Variants in GRK3 observed in about 807,000 individuals in gnomAD.
GRK3 encodes adrenergic, beta, receptor kinase 2.
GRK3 carries 54 observed loss-of-function variants against 95.7 expected under a neutral mutation model. The ratio of observed to expected loss-of-function variants is 0.56; its 90% confidence interval spans 0.45 to 0.71. GRK3 has a LOEUF of 0.71. GRK3 is among the 30% of genes least tolerant of loss of function. The pLI, the probability that GRK3 is intolerant of heterozygous loss-of-function variation, is 0.00. For synonymous variants in GRK3, 281 were observed against 290.8 expected, an observed-to-expected ratio of 0.97 and a Z score of 0.34; for missense variants, 649 against 851.2, an observed-to-expected ratio of 0.76 and a Z score of 2.96.
chr22:25,722,690 C>T lies in GRK3; in HGVS notation c.*240C>T. Reference sequence around the variant, plus strand: ...GCTACACACTTTGGTACCTATGAACCTAGAACTTGAAGTGACTCCTACTTA... The same window carrying T: ...GCTACACACTTTGGTACCTATGAACTTAGAACTTGAAGTGACTCCTACTTA... On this transcript the variant is annotated 3_prime_UTR_variant, in exon 21 of 21. Coordinates refer to ENST00000324198, the MANE Select transcript of GRK3 (RefSeq NM_005160.4). 1 of 413,810 alleles carries T rather than the reference C, an allele frequency of 2.4e-6. No homozygotes were observed. The allele number at this position is 413,810 out of a possible 1,614,324, so 25.6% of individuals were successfully genotyped here. A position where few individuals can be genotyped will look rare whatever the true frequency, so the allele number is the denominator to read the frequency against.
intron 3 of GRK3, among the ~76,000 whole-genome samples, chr22:25,660,766 T>C (rs2084904455): frequency 6.6e-6 from 1 of 152,236 alleles, no homozygotes; most frequent in Non-Finnish European, 1.5e-5. Context: ...TCATATTTCA[T>C]GTATGTTTTC....
At chr22:25,567,234 G>T (rs1020698307) in intron 1 of GRK3, among the ~76,000 whole-genome samples, 2 of 152,006 alleles carry the variant, frequency 1.3e-5, no homozygotes, top group African/African-American at 4.8e-5. Flanking sequence ...ATAGACTCTC[G>T]AATTGGGCCA....
rs775008461 is a variant in GRK3, at chr22:25,630,390, ATC to A, written c.191-14196_191-14195del. Among the ~76,000 whole-genome samples, 138 of 152,188 alleles carry A rather than the reference ATC, an allele frequency of 9.1e-4. 1 individual carries two copies. Among genetic ancestry groups the A allele is most frequent in the Non-Finnish European group, 3.5e-4 (24 of 68,032 alleles). The stretch of plus-strand genomic sequence containing the variant: ...TCTATTTTATCTTAAATTATTTTAA[ATC>A]TCTCTTATTTTAACTGTCAGTTTGT... On this transcript the variant is annotated intron_variant, in intron 2 of 20. Coordinates refer to ENST00000324198, the MANE Select transcript of GRK3 (RefSeq NM_005160.4).
intron 2 of GRK3, among the ~76,000 whole-genome samples, chr22:25,627,286 G>A (rs2084634747): frequency 6.6e-6 from 1 of 152,168 alleles, no homozygotes; most frequent in Non-Finnish European, 1.5e-5. Context: ...AGCAAGCAGA[G>A]GATTATATAA....
At chr22:25,710,984 C>CTG (rs1287513952) in intron 16 of GRK3, 84 bp from the exon 17 acceptor site, 14 of 701,426 alleles carry the variant, frequency 2.0e-5, no homozygotes, top group Non-Finnish European at 3.1e-5. Flanking sequence ...ATATCTCGCA[C>CTG]TGTGCTGTCT....
rs529938897 is a variant in GRK3, at chr22:25,586,941, A to G, written c.114-17436A>G. ...TGGAGTCTCATTCAGGCTGGAGTGC[A>G]TGGCACGATCTCAGCTCACCACATC... On this transcript the variant is annotated intron_variant, in intron 1 of 20. Transcript: ENST00000324198. Among the ~76,000 whole-genome samples the G allele has an allele frequency of 2.0e-3, 289 of 148,054 alleles. 3 individuals are homozygous for G. The highest frequency in any genetic ancestry group is 5.7e-3 in the African/African-American group (231 of 40,180).
At chr22:25,594,147 T>G (rs1333806276) in intron 1 of GRK3, among the ~76,000 whole-genome samples, 2 of 152,212 alleles carry the variant, frequency 1.3e-5, no homozygotes, top group African/African-American at 4.8e-5. Context: ...AAAATGACAT[T>G]GGTAGTTTGA....
At chr22:25,688,235 C>CAAAA (rs35383882) in intron 11 of GRK3, among the ~76,000 whole-genome samples, 2 of 63,458 alleles carry the variant, frequency 3.2e-5, no homozygotes, top group Non-Finnish European at 6.4e-5. Flanking sequence ...GACTCTGTCT[C>CAAAA]AAAAAAAAAA....
Position 25,704,132 on chromosome 22 carries a change from C to T in GRK3, c.1251C>T (p.Phe417=), listed in dbSNP as rs768882010. The T allele has an allele frequency of 1.2e-6, 2 of 1,613,132 alleles. No homozygotes were observed. The highest frequency in any genetic ancestry group is 1.3e-5 in the African/African-American group (1 of 74,898). ...LTVNVELPDT[F]SPELKSLLEG... ...AGAATGTGGAACTTCCAGACACCTT[C>T]TCTCCTGAACTGAAGTCCCTTTTGG... The change falls in exon 15 of 21, where the codon TTC becomes TTT. Residue 417 remains phenylalanine, a synonymous_variant. Coordinates refer to ENST00000324198, the MANE Select transcript of GRK3 (RefSeq NM_005160.4).
chr22:25,661,677 TGTAA>T lies in GRK3; in HGVS notation c.366+4_366+7del, dbSNP rs1381223590. The T allele has an allele frequency of 1.3e-6, 2 of 1,586,920 alleles. No homozygotes were observed. The highest frequency in any genetic ancestry group is 1.7e-6 in the Non-Finnish European group (2 of 1,157,242). On this transcript the variant is annotated splice_donor_variant and splice_donor_region_variant and intron_variant, in intron 4 of 20. Coordinates refer to ENST00000324198, the MANE Select transcript of GRK3 (RefSeq NM_005160.4). LOFTEE classifies it high-confidence loss of function. ...TGAAGGAACTTCTTTCCTGTTCACA[TGTAA>T]GTATTTCTTCTTACTCTGTTACTTT...
intron 1 of GRK3, among the ~76,000 whole-genome samples, chr22:25,596,144 A>G (rs77540982): frequency 0.014 from 2,172 of 152,330 alleles, 50 homozygotes; most frequent in African/African-American, 0.048. Context: ...AATAGGTAGT[A>G]CATTGCTAAA....
chr22:25,688,051 A>T (rs965145451), intron 11 of GRK3, among the ~76,000 whole-genome samples: 1 of 152,104 alleles, frequency 6.6e-6, no homozygotes, highest in Non-Finnish European at 1.5e-5. Flanking sequence ...CCTGGCTAAC[A>T]CAGTGAAACC....
intron 5 of GRK3, among the ~76,000 whole-genome samples, chr22:25,666,020 C>T (rs570734773): frequency 4.7e-4 from 71 of 152,222 alleles, no homozygotes; most frequent in African/African-American, 1.5e-3. Flanking sequence ...AATTTAGATA[C>T]GACTGTTCTC....
intron 11 of GRK3, among the ~76,000 whole-genome samples, chr22:25,689,258 A>G (rs537432421): frequency 6.6e-6 from 1 of 152,310 alleles, no homozygotes; most frequent in African/African-American, 2.4e-5. Context: ...AGCTTTGCAA[A>G]AGAACAAAAC....
chr22:25,695,031 C>T, intron 12 of GRK3, 76 bp from the exon 13 acceptor site: 1 of 1,017,562 alleles, frequency 9.8e-7, no homozygotes, highest in South Asian at 1.5e-5. Flanking sequence ...ATGAAGGACA[C>T]CCGGACCTTG....
intron 1 of GRK3, among the ~76,000 whole-genome samples, chr22:25,580,824 A>T (rs1433670331): frequency 1.3e-5 from 2 of 152,200 alleles, no homozygotes; most frequent in Non-Finnish European, 2.9e-5. Context: ...AAAATGCTTT[A>T]AAAAATAAAG....
chr22:25,613,431 CTT>C (rs1261343636), intron 2 of GRK3, among the ~76,000 whole-genome samples: 2 of 142,780 alleles, frequency 1.4e-5, no homozygotes, highest in African/African-American at 2.6e-5. Context: ...TTTGTGGAGA[CTT>C]TTCCTGAGGG....
chr22:25,653,515 A>T (rs533118002), intron 3 of GRK3, among the ~76,000 whole-genome samples: 1 of 152,218 alleles, frequency 6.6e-6, no homozygotes, highest in Non-Finnish European at 1.5e-5. Flanking sequence ...TAAAGCAAAA[A>T]TTGGCAGATA....
At chr22:25,645,650 C>T (rs1182960257) in intron 3 of GRK3, among the ~76,000 whole-genome samples, 4 of 152,160 alleles carry the variant, frequency 2.6e-5, no homozygotes, top group East Asian at 1.9e-4. Context: ...AGGCCAGGCA[C>T]GGTGGCTCAC....
Sources: gnomAD v4.1 joint callset for allele counts (sites outside exome capture counted in the v4.1 genomes callset) on GRCh38, gnomAD v4.1.1 for gene constraint, MANE v1.5 for transcripts, NCBI Gene and HGNC (gene_info 2026-07-23, HGNC 2026-07-21) for gene names.